Variants in RBFOX1 observed in about 807,000 individuals in gnomAD.
RBFOX1 encodes the protein RNA binding fox-1 homolog 1.
A neutral mutation model predicts 57.7 loss-of-function variants in RBFOX1; 8 were observed. That is an observed-to-expected ratio of 0.14 (90% CI 0.08 to 0.25). The LOEUF (loss-of-function observed/expected upper bound fraction) is 0.25. Among genes scored for constraint, RBFOX1 ranks in the 10% least tolerant of loss-of-function variants. RBFOX1 has a pLI of 1.00. For missense variants in RBFOX1, 611 were observed against 548.5 expected, an observed-to-expected ratio of 1.11 and a Z score of -1.14; for synonymous variants, 326 against 222.4, an observed-to-expected ratio of 1.47 and a Z score of -4.15.
At chr16:6,714,953 C>A (rs961253562) in intron 3 of RBFOX1, among the ~76,000 whole-genome samples, 2 of 152,044 alleles carry the variant, frequency 1.3e-5, no homozygotes, top group Non-Finnish European at 2.9e-5. Flanking sequence ...TGTAGAGGCA[C>A]CTTGAAGGAA....
At chr16:5,954,914 G>A (rs539295417) in intron 4 of RBFOX1, among the ~76,000 whole-genome samples, 34 of 151,812 alleles carry the variant, frequency 2.2e-4, no homozygotes, top group African/African-American at 6.3e-4. Flanking sequence ...GTTTCTAAGT[G>A]AACAGCACCA....
intron 3 of RBFOX1, among the ~76,000 whole-genome samples, chr16:6,680,129 A>C (rs2058405538): frequency 6.6e-6 from 1 of 152,096 alleles, no homozygotes; most frequent in African/African-American, 2.4e-5. Flanking sequence ...GGGTCATAGA[A>C]GGACTACCAC....
At chr16:6,127,790 G>A (rs889081113) in intron 1 of RBFOX1, among the ~76,000 whole-genome samples, 13 of 152,266 alleles carry the variant, frequency 8.5e-5, no homozygotes, top group African/African-American at 3.1e-4. Flanking sequence ...ACATTGACTT[G>A]CTACTTTTGT....
chr16:5,673,079 T>C (rs2050061646), intron 3 of RBFOX1, among the ~76,000 whole-genome samples: 1 of 152,136 alleles, frequency 6.6e-6, no homozygotes, highest in Admixed American at 6.6e-5. Flanking sequence ...TGGAAGTATG[T>C]CTAGCGGCAT....
intron 1 of RBFOX1, among the ~76,000 whole-genome samples, chr16:6,231,736 G>C (rs558196186): frequency 5.3e-5 from 8 of 152,016 alleles, no homozygotes; most frequent in Non-Finnish European, 1.2e-4. Context: ...TGTTGTGTAT[G>C]CTGTATATGT....
chr16:6,231,853 G>C (rs970779010), intron 1 of RBFOX1, among the ~76,000 whole-genome samples: 1 of 47,582 alleles, frequency 2.1e-5, no homozygotes, highest in Non-Finnish European at 4.4e-5. Flanking sequence ...TTTTTTTTTT[G>C]TCCTGGTATT....
chr16:7,526,506 T>G (rs1009757276), intron 5 of RBFOX1, among the ~76,000 whole-genome samples: 4 of 152,146 alleles, frequency 2.6e-5, no homozygotes, highest in African/African-American at 9.7e-5. Flanking sequence ...TCTCCAGATC[T>G]CCTCCCTTTT....
intron 4 of RBFOX1, among the ~76,000 whole-genome samples, chr16:7,366,965 T>C (rs1040566111): frequency 2.0e-5 from 3 of 152,176 alleles, no homozygotes; most frequent in Non-Finnish European, 2.9e-5. Context: ...AATGATCGAT[T>C]GTACTTTTGT....
At position 7,208,760 on chromosome 16, in the gene RBFOX1, C is replaced by A. The variant is rs543981210; in HGVS notation, c.27+156662C>A. 1.2e-4 allele frequency among the ~76,000 whole-genome samples: 18 copies of A among 152,074 alleles called. 1 individual carries two copies. Among genetic ancestry groups the A allele is most frequent in the Admixed American group, 1.3e-4 (2 of 15,254 alleles). ...GCTGAAGCAAGAAGATTATTTGAGT[C>A]CAGGTATTTGAGGCTACAGTGAGCT... is the stretch of plus-strand genomic sequence containing the variant. On this transcript the variant is annotated intron_variant, in intron 4 of 15. Transcript: ENST00000550418.
chr16:6,848,781 A>G (rs1199482149), intron 3 of RBFOX1, among the ~76,000 whole-genome samples: 1 of 152,196 alleles, frequency 6.6e-6, no homozygotes. Context: ...CTCAGCAGGC[A>G]GCATTTAAAG....
chr16:7,522,900 T>C (rs186409461), intron 5 of RBFOX1, among the ~76,000 whole-genome samples: 53 of 152,346 alleles, frequency 3.5e-4, no homozygotes, highest in Non-Finnish European at 2.8e-4. Flanking sequence ...TTTTTACAAA[T>C]GTACCTGCAT....
At chr16:6,164,028 TG>T in intron 1 of RBFOX1, among the ~76,000 whole-genome samples, 1 of 152,306 alleles carries the variant, frequency 6.6e-6, no homozygotes, top group Non-Finnish European at 1.5e-5. Flanking sequence ...CGAGAGTAGT[TG>T]AAATCTTCTT....
chr16:5,305,548 G>C (rs2063912333), intron 1 of RBFOX1, among the ~76,000 whole-genome samples: 3 of 152,264 alleles, frequency 2.0e-5, no homozygotes, highest in Middle Eastern at 3.4e-3. Context: ...GAAACCTGCT[G>C]TTAGGATCTG....
intron 4 of RBFOX1, among the ~76,000 whole-genome samples, chr16:7,500,146 C>G (rs190535202): frequency 6.6e-6 from 1 of 152,160 alleles, no homozygotes; most frequent in Non-Finnish European, 1.5e-5. Context: ...TATTTATGCA[C>G]TGCTTAATCA....
intron 3 of RBFOX1, among the ~76,000 whole-genome samples, chr16:6,716,896 C>A (rs543680974): frequency 3.4e-3 from 513 of 152,294 alleles, no homozygotes; most frequent in African/African-American, 0.012. Flanking sequence ...GAAATCCTAA[C>A]TCCCAATGTG....
chr16:6,846,258 G>C (rs116776946), intron 3 of RBFOX1, among the ~76,000 whole-genome samples: 1 of 152,126 alleles, frequency 6.6e-6, no homozygotes, highest in South Asian at 2.1e-4. Flanking sequence ...CTCCTATTAC[G>C]TGAATTGGCC....
intron 1 of RBFOX1, among the ~76,000 whole-genome samples, chr16:6,035,964 G>T (rs1596556061): frequency 6.6e-6 from 1 of 152,140 alleles, no homozygotes; most frequent in East Asian, 1.9e-4. Context: ...CAGTAATTGG[G>T]TGCCTGAAGA....
At chr16:7,017,912 C>A (rs1044758439) in intron 3 of RBFOX1, among the ~76,000 whole-genome samples, 3 of 152,142 alleles carry the variant, frequency 2.0e-5, no homozygotes, top group Non-Finnish European at 2.9e-5. Context: ...AAGACATTTA[C>A]CAAAATGCTA....
chr16:5,517,379 C>G (rs1018118680), intron 2 of RBFOX1, among the ~76,000 whole-genome samples: 1 of 152,246 alleles, frequency 6.6e-6, no homozygotes, highest in Non-Finnish European at 1.5e-5. Flanking sequence ...GTTTACTCAT[C>G]TACCCTTGTC....
Sources: gnomAD v4.1 joint callset for allele counts (sites outside exome capture counted in the v4.1 genomes callset) on GRCh38, gnomAD v4.1.1 for gene constraint, MANE v1.5 for transcripts, NCBI Gene and HGNC (gene_info 2026-07-23, HGNC 2026-07-21) for gene names.